Variants in GALNTL6 observed in about 807,000 individuals in gnomAD.
The protein encoded by GALNTL6 is polypeptide N-acetylgalactosaminyltransferase-like 6.
A neutral mutation model predicts 73.7 loss-of-function variants in GALNTL6; 46 were observed. The observed-to-expected ratio is 0.62, with a 90% CI of 0.49 to 0.80. The LOEUF is 0.80. Among genes scored for constraint, GALNTL6 ranks in the 30% least tolerant of loss-of-function variants. The probability of loss-of-function intolerance (pLI) is 0.00; values close to 1 mark genes in which losing one functional copy is unlikely to be tolerated. For missense variants in GALNTL6, 604 were observed against 755.0 expected (o/e 0.80, Z 2.34); for synonymous variants, 259 against 263.7 (o/e 0.98, Z 0.17).
chr4:172,472,038 A>G (rs1190542879), intron 5 of GALNTL6, among the ~76,000 whole-genome samples: 1 of 152,218 alleles, frequency 6.6e-6, no homozygotes, highest in Non-Finnish European at 1.5e-5. Context: ...CTACCTGCTT[A>G]TTTTAATCTG....
intron 5 of GALNTL6, among the ~76,000 whole-genome samples, chr4:172,649,822 A>G (rs1740395789): frequency 6.6e-6 from 1 of 152,172 alleles, no homozygotes; most frequent in African/African-American, 2.4e-5. Context: ...GTGACCTTAT[A>G]CTTGTACATA....
chr4:172,243,798 C>T (rs1271771863), intron 3 of GALNTL6, among the ~76,000 whole-genome samples: 1 of 152,066 alleles, frequency 6.6e-6, no homozygotes, highest in Non-Finnish European at 1.5e-5. Context: ...CTGTTTTGCT[C>T]CTAAATGTCT....
At chr4:171,881,825 A>G (rs540066785) in intron 2 of GALNTL6, among the ~76,000 whole-genome samples, 1 of 152,278 alleles carries the variant, frequency 6.6e-6, no homozygotes, top group African/African-American at 2.4e-5. Context: ...CTTAGAAGTG[A>G]GTAGCTGTAA....
chr4:171,907,018 A>G (rs556419146), intron 2 of GALNTL6, among the ~76,000 whole-genome samples: 2,156 of 152,136 alleles, frequency 0.014, 52 homozygotes, highest in African/African-American at 0.049. Flanking sequence ...GCTATCTATG[A>G]CAAACCCACA....
At chr4:171,933,086 T>G (rs1316470741) in intron 2 of GALNTL6, among the ~76,000 whole-genome samples, 1 of 152,152 alleles carries the variant, frequency 6.6e-6, no homozygotes, top group East Asian at 1.9e-4. Flanking sequence ...TTGAAAAGAC[T>G]TATGAATGAT....
At chr4:172,905,810 C>G (rs1462324772) in intron 8 of GALNTL6, among the ~76,000 whole-genome samples, 14 of 34,982 alleles carry the variant, frequency 4.0e-4, no homozygotes, top group African/African-American at 2.6e-3. Context: ...CTAGAGATCA[C>G]TCAAAAAAAA....
intron 4 of GALNTL6, among the ~76,000 whole-genome samples, chr4:172,338,015 A>C (rs1741405430): frequency 6.6e-6 from 1 of 151,910 alleles, no homozygotes; most frequent in Admixed American, 6.6e-5. Context: ...TAGTTTGAAA[A>C]CCTGATCTTT....
intron 5 of GALNTL6, among the ~76,000 whole-genome samples, chr4:172,371,765 C>T (rs936312890): frequency 1.3e-5 from 2 of 152,050 alleles, no homozygotes; most frequent in African/African-American, 4.8e-5. Context: ...TTCTACTGGT[C>T]TTTCCCTGCC....
intron 2 of GALNTL6, among the ~76,000 whole-genome samples, chr4:172,033,770 T>C (rs371045636): frequency 2.0e-5 from 3 of 152,288 alleles, no homozygotes; most frequent in East Asian, 3.9e-4. Context: ...GGCAGAGTTG[T>C]GTAGTTGTGA....
intron 2 of GALNTL6, among the ~76,000 whole-genome samples, chr4:171,990,944 A>G (rs1203066150): frequency 6.6e-6 from 1 of 152,180 alleles, no homozygotes; most frequent in Non-Finnish European, 1.5e-5. Context: ...ACAAGAAGAA[A>G]ATAAAACAGG....
intron 5 of GALNTL6, among the ~76,000 whole-genome samples, chr4:172,780,755 A>T (rs1039018572): frequency 1.3e-5 from 2 of 152,188 alleles, no homozygotes; most frequent in Non-Finnish European, 2.9e-5. Context: ...CTTAAGAGCA[A>T]AATATTATTA....
chr4:172,317,807 AC>A (rs1740615374), intron 4 of GALNTL6, among the ~76,000 whole-genome samples: 1 of 152,224 alleles, frequency 6.6e-6, no homozygotes. Context: ...AGTGAATAGC[AC>A]TAGTTGATTG....
chr4:172,069,585 A>ATT (rs1553989819), intron 2 of GALNTL6, among the ~76,000 whole-genome samples: 1 of 23,414 alleles, frequency 4.3e-5, no homozygotes, highest in Non-Finnish European at 1.3e-4. Context: ...GTTATATATT[A>ATT]TATATATAAC....
intron 5 of GALNTL6, among the ~76,000 whole-genome samples, chr4:172,621,031 T>C (rs1459479758): frequency 6.6e-6 from 1 of 152,172 alleles, no homozygotes; most frequent in Non-Finnish European, 1.5e-5. Context: ...CAGGGGAAGC[T>C]CTTGTGAACT....
At chr4:172,274,856 G>C (rs1372661612) in intron 3 of GALNTL6, among the ~76,000 whole-genome samples, 1 of 152,138 alleles carries the variant, frequency 6.6e-6, no homozygotes, top group Non-Finnish European at 1.5e-5. Flanking sequence ...GTTTCAAAAT[G>C]AGGCCTAACA....
chr4:171,842,589 G>A (rs1311412025), intron 2 of GALNTL6, among the ~76,000 whole-genome samples: 6 of 152,090 alleles, frequency 3.9e-5, no homozygotes, highest in South Asian at 2.1e-4. Flanking sequence ...CAGTCATGGT[G>A]GAAGAGAATA....
intron 2 of GALNTL6, among the ~76,000 whole-genome samples, chr4:172,109,007 C>A (rs1732770169): frequency 1.8e-5 from 2 of 110,584 alleles, no homozygotes; most frequent in African/African-American, 3.4e-5. Flanking sequence ...AGTGAGACTC[C>A]ATCTCCAAAA....
At chr4:171,908,253 A>G (rs1737356129) in intron 2 of GALNTL6, among the ~76,000 whole-genome samples, 1 of 152,192 alleles carries the variant, frequency 6.6e-6, no homozygotes, top group African/African-American at 2.4e-5. Context: ...TCATCTGACA[A>G]AGGGCTAATA....
At chr4:172,367,545 G>A (rs1742612879) in intron 5 of GALNTL6, among the ~76,000 whole-genome samples, 1 of 152,046 alleles carries the variant, frequency 6.6e-6, no homozygotes, top group Non-Finnish European at 1.5e-5. Flanking sequence ...CATACAGTCT[G>A]TATTGGAAAA....
Sources: gnomAD v4.1 joint callset for allele counts (sites outside exome capture counted in the v4.1 genomes callset) on GRCh38, gnomAD v4.1.1 for gene constraint, MANE v1.5 for transcripts, NCBI Gene and HGNC (gene_info 2026-07-23, HGNC 2026-07-21) for gene names.